CDK14: variants seen among roughly 807,000 people sequenced by gnomAD.
CDK14 encodes cyclin-dependent kinase 14.
A neutral mutation model predicts 60.7 loss-of-function variants in CDK14; 34 were observed. The observed-to-expected ratio is 0.56, with a 90% CI of 0.43 to 0.75. The LOEUF is 0.75. Ranked by LOEUF, CDK14 falls within the 30% of genes least tolerant of loss-of-function variation. The probability of loss-of-function intolerance (pLI) is 0.00; values close to 1 mark genes in which losing one functional copy is unlikely to be tolerated. For missense variants in CDK14, 482 were observed against 564.1 expected (o/e 0.85, Z 1.47); for synonymous variants, 197 against 203.7 (o/e 0.97, Z 0.28).
chr7:91,080,489 CT>C (rs139512769), intron 12 of CDK14, among the ~76,000 whole-genome samples: 2,357 of 152,210 alleles, frequency 0.015, 66 homozygotes, highest in African/African-American at 0.053. Context: ...TAACCTGGGG[CT>C]TTGCATGTGC....
intron 4 of CDK14, among the ~76,000 whole-genome samples, chr7:90,749,848 T>C (rs1803750401): frequency 6.6e-6 from 1 of 152,192 alleles, no homozygotes; most frequent in African/African-American, 2.4e-5. Flanking sequence ...ATGACCATCT[T>C]GCCTCATGCC....
intron 10 of CDK14, 146 bp from the exon 11 acceptor site, chr7:91,045,751 T>C: frequency 1.7e-6 from 1 of 576,918 alleles, no homozygotes; most frequent in Non-Finnish European, 3.1e-6. Flanking sequence ...GGTTTGTTTT[T>C]ACTGAAATAA....
At chr7:90,622,724 A>T (rs1220510186) in intron 2 of CDK14, among the ~76,000 whole-genome samples, 1 of 148,092 alleles carries the variant, frequency 6.8e-6, no homozygotes, top group South Asian at 2.2e-4. Flanking sequence ...TTTCCAAAAC[A>T]TCCTAAGCGA....
intron 11 of CDK14, among the ~76,000 whole-genome samples, chr7:91,072,801 A>G (rs1483845350): frequency 6.6e-6 from 1 of 152,128 alleles, no homozygotes; most frequent in Non-Finnish European, 1.5e-5. Flanking sequence ...TCTAACTAGA[A>G]TAACCAGTTT....
chr7:91,122,202 C>A (rs1562913628), intron 14 of CDK14, among the ~76,000 whole-genome samples: 1 of 152,118 alleles, frequency 6.6e-6, no homozygotes, highest in African/African-American at 2.4e-5. Flanking sequence ...AAGTTAACTG[C>A]ATGCATGTTT....
chr7:90,862,392 C>A (rs1253134841), intron 5 of CDK14, among the ~76,000 whole-genome samples: 1 of 151,982 alleles, frequency 6.6e-6, no homozygotes, highest in African/African-American at 2.4e-5. Flanking sequence ...GACTTCAGAA[C>A]AAAGAAATTT....
chr7:90,756,142 C>A (rs1412005773), intron 4 of CDK14, among the ~76,000 whole-genome samples: 2 of 152,164 alleles, frequency 1.3e-5, no homozygotes, highest in Admixed American at 1.3e-4. Flanking sequence ...TAGTGCAAGA[C>A]CTTGGAAAGA....
At chr7:91,018,215 ATTC>A (rs1256172714) in intron 10 of CDK14, among the ~76,000 whole-genome samples, 1 of 152,108 alleles carries the variant, frequency 6.6e-6, no homozygotes, top group East Asian at 1.9e-4. Flanking sequence ...TGAGCTCCCC[ATTC>A]TTCTTCTTCC....
chr7:90,840,807 A>C (rs989003023), intron 5 of CDK14, among the ~76,000 whole-genome samples: 1 of 152,194 alleles, frequency 6.6e-6, no homozygotes, highest in Non-Finnish European at 1.5e-5. Flanking sequence ...TGCTTACCAT[A>C]GTTTCTCTTA....
chr7:90,847,435 T>TA (rs1244811091), intron 5 of CDK14, among the ~76,000 whole-genome samples: 2 of 152,118 alleles, frequency 1.3e-5, no homozygotes, highest in Admixed American at 6.5e-5. Context: ...ATTATCCAGA[T>TA]AAAAAATTAA....
intron 5 of CDK14, among the ~76,000 whole-genome samples, chr7:90,853,843 G>A (rs889920876): frequency 1.3e-5 from 2 of 152,170 alleles, no homozygotes; most frequent in Non-Finnish European, 2.9e-5. Flanking sequence ...AGGCACACCA[G>A]TTGACTTTGA....
intron 5 of CDK14, among the ~76,000 whole-genome samples, chr7:90,862,891 T>C (rs1000206757): frequency 1.4e-4 from 22 of 152,144 alleles, no homozygotes; most frequent in African/African-American, 5.1e-4. Context: ...GAAAACCTTG[T>C]TTTTCTGGCC....
intron 5 of CDK14, chr7:90,824,472 G>A (rs1188529276): frequency 1.3e-5 from 2 of 152,154 alleles, no homozygotes; most frequent in South Asian, 4.1e-4. Context: ...GAAGCTGTGA[G>A]TCAGTTGGAG....
At chr7:90,943,633 A>G (rs557721155) in intron 8 of CDK14, among the ~76,000 whole-genome samples, 2 of 152,308 alleles carry the variant, frequency 1.3e-5, no homozygotes, top group Admixed American at 1.3e-4. Context: ...TTTATTTACA[A>G]TATTCGTGTG....
intron 14 of CDK14, among the ~76,000 whole-genome samples, chr7:91,204,945 C>CA (rs746772700): frequency 0.034 from 3,822 of 113,510 alleles, 77 homozygotes; most frequent in African/African-American, 0.061. Context: ...AAGACCCAGT[C>CA]AAAAAAAAAA....
chr7:90,914,163 A>G (rs1183456614), intron 7 of CDK14, among the ~76,000 whole-genome samples: 1 of 152,160 alleles, frequency 6.6e-6, no homozygotes, highest in Non-Finnish European at 1.5e-5. Context: ...GGGGTTTGTC[A>G]TAACATTTTA....
intron 9 of CDK14, among the ~76,000 whole-genome samples, chr7:90,980,964 C>T (rs573642792): frequency 6.6e-6 from 1 of 152,182 alleles, no homozygotes; most frequent in South Asian, 2.1e-4. Flanking sequence ...TTTTTCTAGC[C>T]AGCCTAGCTG....
chr7:90,720,284 C>G (rs1802400182), intron 2 of CDK14, among the ~76,000 whole-genome samples: 1 of 152,106 alleles, frequency 6.6e-6, no homozygotes, highest in East Asian at 1.9e-4. Flanking sequence ...ACAAGTGCAT[C>G]TAGGCAAAGG....
intron 5 of CDK14, among the ~76,000 whole-genome samples, chr7:90,841,707 C>T (rs553794566): frequency 7.5e-6 from 1 of 133,636 alleles, no homozygotes; most frequent in African/African-American, 2.8e-5. Flanking sequence ...TCAGCTTTCC[C>T]AGTGGAACAA....
Sources: allele counts gnomAD v4.1 joint callset (sites outside exome capture counted in the v4.1 genomes callset), GRCh38; gene constraint gnomAD v4.1.1; transcripts MANE v1.5; gene names NCBI Gene and HGNC (gene_info 2026-07-23, HGNC 2026-07-21).